The following LAMA5 variants were observed in gnomAD, a reference collection of about 807,000 sequenced individuals.
LAMA5 encodes the protein laminin subunit alpha-5.
LAMA5 carries 260 observed loss-of-function variants against 433.4 expected under a neutral mutation model. The ratio of observed to expected loss-of-function variants is 0.60; its 90% CI spans 0.54 to 0.66. LAMA5 has a LOEUF of 0.66. Ranked by LOEUF, LAMA5 falls within the 30% of genes least tolerant of loss-of-function variation. The pLI, the probability that LAMA5 is intolerant of heterozygous loss-of-function variation, is 0.00. For synonymous variants in LAMA5, 2,620 were observed against 2,226.6 expected (o/e 1.18, Z -4.97); for missense variants, 5,378 against 5,258.5 (o/e 1.02, Z -0.70).
At chr20:62,332,254 G>A (rs910728242) in intron 28 of LAMA5, 118 bp downstream of exon 28, 3 of 712,254 alleles carry the variant, frequency 4.2e-6, no homozygotes, top group East Asian at 2.6e-5. Context: ...GGCTGGGCAT[G>A]AGCGAGTGTG....
intron 23 of LAMA5, 44 bp downstream of exon 23, chr20:62,333,857 C>G (rs867637072): frequency 3.4e-5 from 48 of 1,412,630 alleles, no homozygotes; most frequent in African/African-American, 5.8e-5. Context: ...GTGGGGTGGG[C>G]TGGGCTGGTG....
At chr20:62,354,245 C>T (rs1012660678) in intron 2 of LAMA5, among the ~76,000 whole-genome samples, 3 of 151,938 alleles carry the variant, frequency 2.0e-5, no homozygotes, top group East Asian at 3.9e-4. Flanking sequence ...CCCTCAGCTG[C>T]GGACATCTCC....
chr20:62,337,848 C>T lies in LAMA5; in HGVS notation c.1982G>A (p.Cys661Tyr). 4 of 1,612,754 alleles carry T rather than the reference C, an allele frequency of 2.5e-6. No homozygotes were observed. Among genetic ancestry groups the T allele is most frequent in the Non-Finnish European group, 3.4e-6 (4 of 1,179,952 alleles). The change falls in exon 15 of 80, where the codon TGC becomes TAC. Residue 661 changes from cysteine (C) to tyrosine (Y), a missense_variant. Cys to Tyr is a radical substitution (Grantham distance 194). Coordinates refer to ENST00000252999, the MANE Select transcript of LAMA5 (RefSeq NM_005560.6). ...GTGAAAGCCGGGGCTGCATTCCTGG[C>T]AGGCAGTGCCTGTGTAGCCGGGGCG... ...RCRPGYTGTA[C>Y]QECSPGFHGF...
At chr20:62,355,998 G>A (rs917339644) in intron 2 of LAMA5, among the ~76,000 whole-genome samples, 5 of 152,198 alleles carry the variant, frequency 3.3e-5, no homozygotes, top group African/African-American at 9.7e-5. Context: ...TCCTCGGCCC[G>A]ATCTGTCCTC....
In LAMA5 at chr20:62,315,938, C is replaced by T; in HGVS notation, c.7867+10G>A. 1.3e-6 allele frequency: 2 copies of T among 1,577,120 alleles called. No individual in the cohort carries two copies. Among genetic ancestry groups the T allele is most frequent in the South Asian group, 1.1e-5 (1 of 87,762 alleles). On this transcript the variant is annotated intron_variant, in intron 58 of 79. Coordinates refer to ENST00000252999, the MANE Select transcript of LAMA5 (RefSeq NM_005560.6). ...GCCGGCTGCGAGAGCCGGGCCCAGGCTCCGCATACCTGTGTCCATGGCAAG... is the reference window on the plus strand; with the variant it reads ...GCCGGCTGCGAGAGCCGGGCCCAGGTTCCGCATACCTGTGTCCATGGCAAG...
At chr20:62,353,369 C>T (rs540180583) in intron 2 of LAMA5, 118 bp from the exon 3 acceptor site, 3 of 705,714 alleles carry the variant, frequency 4.3e-6, no homozygotes, top group Non-Finnish European at 4.7e-6. Flanking sequence ...GCACCCTCGC[C>T]GCACAGGGGG....
rs760831446 is a variant in LAMA5 at position 62,338,496 on chromosome 20, C to T, written c.1590G>A (p.Ala530=). The change falls in exon 12 of 80, where the codon GCG becomes GCA. Residue 530 remains alanine, a synonymous_variant. Transcript: ENST00000252999. ...NFQGTHCELC[A]PGFYGPGCQP... The stretch of plus-strand genomic sequence containing the variant: ...GGCAGCCGGGGCCGTAGAACCCTGG[C>T]GCGCAGAGCTCACAATGGGTGCCTT... 50 of 1,608,634 alleles carry T rather than the reference C, an allele frequency of 3.1e-5. No individual in the cohort carries two copies. Among genetic ancestry groups the T allele is most frequent in the African/African-American group, 2.1e-4 (16 of 74,906 alleles).
In LAMA5 at chr20:62,318,691, G is replaced by C. The variant is rs761123258; in HGVS notation, c.7043-41C>G. 7 of 1,598,134 alleles carry C rather than the reference G, an allele frequency of 4.4e-6. No homozygotes were observed. In the East Asian group the frequency reaches 1.6e-4, roughly 36 times the overall value. ...GTGAGGGTGGTCACTCTGGAAGCCA[G>C]GCCCCTTCATGACCCCTGGTCTCCA... On this transcript the variant is annotated intron_variant, in intron 52 of 79. Coordinates refer to ENST00000252999, the MANE Select transcript of LAMA5 (RefSeq NM_005560.6).
intron 50 of LAMA5, 67 bp from the exon 51 acceptor site, chr20:62,319,862 T>C: frequency 7.8e-7 from 1 of 1,283,432 alleles, no homozygotes; most frequent in Non-Finnish European, 1.1e-6. Context: ...AGGGAGGGCC[T>C]GGGGTCTGGG....
chr20:62,337,726 G>C lies in LAMA5; in HGVS notation c.2028C>G (p.Pro676=). The C allele has an allele frequency of 6.2e-7, 1 of 1,608,894 alleles. No individual in the cohort carries two copies. The change falls in exon 16 of 80, where the codon CCC becomes CCG. Residue 676 remains proline (P), a splice_region_variant and synonymous_variant. Transcript: ENST00000252999. The part of the protein sequence containing the change: ...PGFHGFPSCV[P]CHCSAEGSLH... ...GGGAGCCTTCAGCAGAGCAGTGGCA[G>C]GCTGCAGACAAGGATAGCTGTGGGC...
At chr20:62,326,091 G>A (rs118157104) in intron 40 of LAMA5, among the ~76,000 whole-genome samples, 2,977 of 152,146 alleles carry the variant, frequency 0.02, 50 homozygotes, top group Non-Finnish European at 0.029. Flanking sequence ...GTGGTGGCGG[G>A]TGCCTATAGT....
At position 62,316,953 on chromosome 20, in the gene LAMA5, T is replaced by C. The variant is rs1987004803; in HGVS notation, c.7582A>G (p.Ile2528Val). The change falls in exon 56 of 80, where the codon ATC becomes GTC. Residue 2528 changes from isoleucine to valine, a missense_variant. Physicochemically the swap from Ile to Val is conservative, Grantham distance 29. Coordinates refer to ENST00000252999, the MANE Select transcript of LAMA5 (RefSeq NM_005560.6). ...AIEASNAYSR[I>V]LQAVQAAEDA... ...TCGGCAGCCTGCACGGCCTGCAGGA[T>C]GCGGCTGTAGGCGTTGGAGGCCTCG... 1.3e-6 allele frequency: 2 copies of C among 1,570,068 alleles called. No individual in the cohort carries two copies. The highest frequency in any genetic ancestry group is 8.7e-7 in the Non-Finnish European group (1 of 1,153,990).
chr20:62,324,566 C>A lies in LAMA5; in HGVS notation c.5530-12G>T. On this transcript the variant is annotated splice_polypyrimidine_tract_variant and intron_variant, in intron 41 of 79. Transcript: ENST00000252999. This position sits in a 1 kb window ranked among gnomAD's most constrained non-coding sequence, Gnocchi z 4.4. ...CCGGGGGCACATTCCTGAGGGTGTA[C>A]GGGGGCAGGTGGCATCAGCGATTGA... The A allele has an allele frequency of 6.3e-7, 1 of 1,589,810 alleles. No individual in the cohort carries two copies. The highest frequency in any genetic ancestry group is 8.6e-7 in the Non-Finnish European group (1 of 1,161,912).
chr20:62,309,624 CA>C, intron 79 of LAMA5, 91 bp downstream of exon 79: 2 of 381,828 alleles, frequency 5.2e-6, no homozygotes, highest in East Asian at 4.8e-5. Flanking sequence ...TGGGAGGGGG[CA>C]GGGGGTGGAG....
intron 31 of LAMA5, 105 bp downstream of exon 31, chr20:62,330,383 A>C (rs552693457): frequency 2.2e-6 from 3 of 1,392,172 alleles, no homozygotes; most frequent in South Asian, 1.5e-5. Flanking sequence ...GGACAGAGTC[A>C]TGTTGCCTGT....
chr20:62,313,451 G>C lies in LAMA5; in HGVS notation c.8668C>G (p.Leu2890Val). The C allele has an allele frequency of 1.2e-6, 2 of 1,607,246 alleles. No homozygotes were observed. Among genetic ancestry groups the C allele is most frequent in the Non-Finnish European group, 1.7e-6 (2 of 1,177,434 alleles). The change falls in exon 64 of 80, where the codon CTG (leucine) becomes GTG (valine). Residue 2890 changes from leucine to valine, a missense_variant. By Grantham distance (32) the Leu-to-Val change is conservative. Transcript: ENST00000252999. ...GYPSTFTPPPLLRFPGYRGCI... is the reference protein window; with the variant it reads ...GYPSTFTPPPVLRFPGYRGCI... ...CCCCGGTAGCCGGGGAAGCGAAGCA[G>C]GGGAGGGGGCTGTGGGCACAGGGCT...
At chr20:62,311,126 C>T (rs544458187) in intron 73 of LAMA5, 32 bp from the exon 74 acceptor site, 2 of 1,561,418 alleles carry the variant, frequency 1.3e-6, no homozygotes, top group South Asian at 1.2e-5. Context: ...GCCTGCGCGG[C>T]CCCTCTCAGC....
At position 62,348,560 on chromosome 20, in the gene LAMA5, T is replaced by C. The variant is rs377413486; in HGVS notation, c.957-1532A>G. 1.3e-4 allele frequency among the ~76,000 whole-genome samples: 20 copies of C among 151,996 alleles called. No individual in the cohort carries two copies. The South Asian group carries it at 4.0e-3, about 30-fold the overall frequency. On this transcript the variant is annotated intron_variant, in intron 6 of 79. Coordinates refer to ENST00000252999, the MANE Select transcript of LAMA5 (RefSeq NM_005560.6). ...AGGTGGAGCTTGCAGTGAGCCGAGA[T>C]TGCACCACTGCACTCCAGCCTGGGC...
chr20:62,350,405 C>A (rs1984108143), intron 6 of LAMA5, among the ~76,000 whole-genome samples: 1 of 152,122 alleles, frequency 6.6e-6, no homozygotes, highest in African/African-American at 2.4e-5. Flanking sequence ...CTGTGCCACT[C>A]CTCCCCTCAG....
Sources: gnomAD v4.1 joint callset for allele counts (sites outside exome capture counted in the v4.1 genomes callset) on GRCh38, gnomAD v4.1.1 for gene constraint, Gnocchi (gnomAD v3.1) non-coding constraint, MANE v1.5 for transcripts, NCBI Gene and HGNC (gene_info 2026-07-23, HGNC 2026-07-21) for gene names.